FAM114A2: variants seen among roughly 807,000 people sequenced by gnomAD.
FAM114A2 encodes the protein family with sequence similarity 114 member A2.
Under a neutral mutation model 58.4 loss-of-function variants are expected in FAM114A2, and 53 were observed. That is an observed-to-expected ratio of 0.91 (90% CI 0.73 to 1.14). FAM114A2 has a LOEUF of 1.14. Among genes scored for constraint, FAM114A2 ranks in the 50% most tolerant of loss-of-function variants. The probability of loss-of-function intolerance (pLI) is 0.00; values close to 1 mark genes in which losing one functional copy is unlikely to be tolerated. For missense variants in FAM114A2, 601 were observed against 581.1 expected (o/e 1.03, Z -0.35); for synonymous variants, 228 against 211.4 (o/e 1.08, Z -0.68).
intron 10 of FAM114A2, 87 bp from the exon 11 acceptor site, chr5:154,002,477 T>C: frequency 7.3e-7 from 1 of 1,364,982 alleles, no homozygotes; most frequent in Non-Finnish European, 1.0e-6. Flanking sequence ...ACAGGATTTG[T>C]AGCAGAGACT....
At chr5:154,011,035 G>A (rs1352863504) in intron 9 of FAM114A2, among the ~76,000 whole-genome samples, 3 of 152,122 alleles carry the variant, frequency 2.0e-5, no homozygotes, top group Non-Finnish European at 2.9e-5. Context: ...GGTAAGGATG[G>A]GACACGTGTT....
chr5:154,023,801 A>T (rs991563170), intron 8 of FAM114A2, among the ~76,000 whole-genome samples: 1 of 152,138 alleles, frequency 6.6e-6, no homozygotes, highest in African/African-American at 2.4e-5. Context: ...AAAAAAACAG[A>T]AGACAAAAAG....
intron 9 of FAM114A2, among the ~76,000 whole-genome samples, chr5:154,006,494 T>C (rs1226294099): frequency 6.6e-6 from 1 of 152,076 alleles, no homozygotes; most frequent in Non-Finnish European, 1.5e-5. Flanking sequence ...ATCAGCTTGG[T>C]ACACCTGAGA....
intron 8 of FAM114A2, among the ~76,000 whole-genome samples, chr5:154,012,317 A>C (rs1246902423): frequency 2.0e-5 from 3 of 152,192 alleles, no homozygotes; most frequent in African/African-American, 7.2e-5. Flanking sequence ...TGGGTGACTC[A>C]AGATCAAAAA....
chr5:154,010,261 T>C (rs1770603276), intron 9 of FAM114A2, among the ~76,000 whole-genome samples: 1 of 152,186 alleles, frequency 6.6e-6, no homozygotes, highest in South Asian at 2.1e-4. Context: ...TATACAAATA[T>C]TGTTTGTGCT....
At chr5:154,033,960 T>A in intron 3 of FAM114A2, 77 bp from the exon 4 acceptor site, 1 of 888,086 alleles carries the variant, frequency 1.1e-6, no homozygotes, top group South Asian at 1.5e-5. Flanking sequence ...TGAAGATTTT[T>A]AAAATCATTT....
At chr5:154,017,442 CA>C (rs530718089) in intron 8 of FAM114A2, among the ~76,000 whole-genome samples, 1 of 151,408 alleles carries the variant, frequency 6.6e-6, no homozygotes, top group Non-Finnish European at 1.5e-5. Context: ...AACTCCATCT[CA>C]AAAAAAATAA....
At position 153,992,383 on chromosome 5, in the gene FAM114A2, C is replaced by T. The variant is rs1769292819; in HGVS notation, c.*593G>A. On this transcript the variant is annotated 3_prime_UTR_variant, in exon 14 of 14. Transcript: ENST00000351797. ...TAATTCACATGGCTATAATAGTCTA[C>T]AAGTTTCTCCTCAATGCCAAATATC... 6.6e-6 allele frequency: 1 copy of T among 152,170 alleles called. No homozygotes were observed. The highest frequency in any genetic ancestry group is 1.5e-5 in the Non-Finnish European group (1 of 68,044). 9.4% of individuals were successfully genotyped at this position (152,170 alleles called of 1,614,324 possible).
At chr5:154,022,020 C>A (rs1271756850) in intron 8 of FAM114A2, among the ~76,000 whole-genome samples, 3 of 152,108 alleles carry the variant, frequency 2.0e-5, no homozygotes, top group African/African-American at 4.8e-5. Flanking sequence ...CTTTGACAAA[C>A]CTGACCAAAA....
intron 8 of FAM114A2, among the ~76,000 whole-genome samples, chr5:154,012,555 T>A (rs944901541): frequency 6.6e-6 from 1 of 152,362 alleles, no homozygotes; most frequent in African/African-American, 2.4e-5. Context: ...ATACTCAGCA[T>A]CTTCCCTAAT....
intron 13 of FAM114A2, among the ~76,000 whole-genome samples, chr5:153,993,598 A>G (rs1406322282): frequency 6.6e-6 from 1 of 152,198 alleles, no homozygotes; most frequent in Admixed American, 6.5e-5. Flanking sequence ...TACTGCTTTC[A>G]AAGATGACAG....
intron 4 of FAM114A2, among the ~76,000 whole-genome samples, chr5:154,033,139 A>G (rs720986): frequency 1.7e-3 from 257 of 152,348 alleles, no homozygotes; most frequent in African/African-American, 6.0e-3. Flanking sequence ...GAGGAAAATA[A>G]GCAGCGAAAG....
At chr5:154,036,241 C>CTTA (rs1772548355) in intron 1 of FAM114A2, 1 of 152,116 alleles carries the variant, frequency 6.6e-6, no homozygotes, top group Admixed American at 6.5e-5. Flanking sequence ...ATCATTCCTA[C>CTTA]CTCAATTTTT....
chr5:153,999,253 T>C (rs1485243910), intron 11 of FAM114A2, among the ~76,000 whole-genome samples: 1 of 152,122 alleles, frequency 6.6e-6, no homozygotes, highest in Non-Finnish European at 1.5e-5. Flanking sequence ...ATGCTCAACA[T>C]CACTGATGTA....
intron 2 of FAM114A2, 105 bp from the exon 3 acceptor site, chr5:154,034,482 G>T: frequency 1.4e-6 from 1 of 693,398 alleles, no homozygotes; most frequent in Non-Finnish European, 2.5e-6. Context: ...CAAAAGCATG[G>T]GTGAACAAAT....
intron 9 of FAM114A2, among the ~76,000 whole-genome samples, chr5:154,004,338 A>G (rs897639173): frequency 6.6e-6 from 1 of 152,050 alleles, no homozygotes; most frequent in Non-Finnish European, 1.5e-5. Context: ...AAACGCCAAT[A>G]TTATTTGGAG....
intron 8 of FAM114A2, among the ~76,000 whole-genome samples, chr5:154,021,827 C>A (rs1370520816): frequency 1.3e-5 from 2 of 152,146 alleles, no homozygotes; most frequent in Admixed American, 6.5e-5. Context: ...CAAAAAAGAG[C>A]CCGCATTGCC....
intron 4 of FAM114A2, among the ~76,000 whole-genome samples, chr5:154,032,275 G>T (rs1772253835): frequency 6.6e-6 from 1 of 152,116 alleles, no homozygotes; most frequent in South Asian, 2.1e-4. Context: ...TTTCCCAGGT[G>T]CATCCTCAAA....
intron 4 of FAM114A2, among the ~76,000 whole-genome samples, chr5:154,031,500 A>G (rs554981454): frequency 2.6e-5 from 4 of 152,138 alleles, no homozygotes; most frequent in African/African-American, 9.7e-5. Context: ...GTTGACTACA[A>G]GACACATCCT....
Sources: gnomAD v4.1 joint callset for allele counts (sites outside exome capture counted in the v4.1 genomes callset) on GRCh38, gnomAD v4.1.1 for gene constraint, MANE v1.5 for transcripts, NCBI Gene and HGNC (gene_info 2026-07-23, HGNC 2026-07-21) for gene names.